The following TENT5D variants were observed in gnomAD, a reference collection of about 807,000 sequenced individuals.
TENT5D encodes the protein terminal nucleotidyltransferase 5D.
For missense variants in TENT5D, 191 were observed against 287.0 expected (o/e 0.67, Z 2.42); for synonymous variants, 103 against 100.6 (o/e 1.02, Z -0.15).
At chrX:80,393,810 G>GT (rs1237877744) in intron 3 of TENT5D, among the ~76,000 whole-genome samples, 2 of 111,431 alleles carry the variant, frequency 1.8e-5, no homozygotes, top group East Asian at 2.8e-4. Flanking sequence ...TGCAGTATTT[G>GT]TTTTTTTGTG....
intron 1 of TENT5D, among the ~76,000 whole-genome samples, 168 bp from the exon 2 acceptor site, chrX:80,438,442 C>A: frequency 9.3e-6 from 1 of 108,022 alleles, no homozygotes. Flanking sequence ...TATTTTAGAG[C>A]AATCATTTCA....
chrX:80,434,341 C>T (rs986496790), intron 1 of TENT5D, among the ~76,000 whole-genome samples: 4 of 111,013 alleles, frequency 3.6e-5, no homozygotes, highest in African/African-American at 1.3e-4. Flanking sequence ...TAAATTGAAG[C>T]CCTCCTCCTC....
At chrX:80,366,449 C>A (rs1408680461) in intron 3 of TENT5D, among the ~76,000 whole-genome samples, 4 of 111,238 alleles carry the variant, frequency 3.6e-5, no homozygotes, top group Admixed American at 9.7e-5. Flanking sequence ...AATACTTTCC[C>A]AAACAAGTAA....
At chrX:80,378,778 A>C in intron 3 of TENT5D, among the ~76,000 whole-genome samples, 1 of 110,737 alleles carries the variant, frequency 9.0e-6, no homozygotes, top group East Asian at 2.9e-4. Flanking sequence ...TTTTGGTTCC[A>C]TATGAACTTT....
chrX:80,346,848 G>A (rs1386319437), intron 3 of TENT5D, among the ~76,000 whole-genome samples: 2 of 109,709 alleles, frequency 1.8e-5, no homozygotes, highest in African/African-American at 6.7e-5. Flanking sequence ...CCCTGGACAG[G>A]CCCTGGTGTG....
At chrX:80,367,263 A>G (rs973347635) in intron 3 of TENT5D, among the ~76,000 whole-genome samples, 9 of 111,797 alleles carry the variant, frequency 8.1e-5, no homozygotes, top group Non-Finnish European at 1.7e-4. Flanking sequence ...AGCAATCATC[A>G]GAGAAACACA....
intron 3 of TENT5D, among the ~76,000 whole-genome samples, chrX:80,380,794 T>C (rs1930847804): frequency 3.6e-5 from 4 of 111,522 alleles, no homozygotes; most frequent in South Asian, 7.6e-4. Flanking sequence ...TGCTTTTTTT[T>C]GCTTTCCATT....
In TENT5D at chrX:80,409,809, A is replaced by G. The variant is rs1455489149; in HGVS notation, c.-141-28801A>G. Among the ~76,000 whole-genome samples, 20 of 102,933 alleles carry G rather than the reference A, an allele frequency of 1.9e-4. No homozygotes were observed. In the East Asian group the frequency reaches 4.1e-3, roughly 21 times the overall value. 89.4% of individuals were successfully genotyped at this position (102,933 alleles called of 115,157 possible). A position where few individuals can be genotyped will look rare whatever the true frequency, so the allele number is the denominator to read the frequency against. On this transcript the variant is annotated intron_variant, in intron 3 of 4. Coordinates refer to the TENT5D transcript ENST00000538312. The stretch of plus-strand genomic sequence containing the variant: ...GCCAAGTCAATCCTAAGCCAAAAGA[A>G]CAAAGCTGGAGGCATCACACTACCT...
chrX:80,375,861 A>G (rs895639794), intron 3 of TENT5D, among the ~76,000 whole-genome samples: 1 of 111,911 alleles, frequency 8.9e-6, no homozygotes, highest in African/African-American at 3.2e-5. Context: ...TGGTATTTTT[A>G]TTCTCTTAAG....
chrX:80,434,572 T>C (rs1368107730), intron 1 of TENT5D, among the ~76,000 whole-genome samples: 1 of 111,746 alleles, frequency 8.9e-6, no homozygotes, highest in Non-Finnish European at 1.9e-5. Context: ...CATTCATTAG[T>C]AGAATCCTGG....
upstream of TENT5D, among the ~76,000 whole-genome samples, chrX:80,417,558 G>A (rs184124499): frequency 1.4e-4 from 15 of 108,043 alleles, no homozygotes; most frequent in South Asian, 8.0e-4. Context: ...TTTTTCCTTC[G>A]CTTATGAAGC....
chrX:80,396,338 T>A (rs1931241634), intron 3 of TENT5D, among the ~76,000 whole-genome samples: 1 of 109,987 alleles, frequency 9.1e-6, no homozygotes, highest in Non-Finnish European at 1.9e-5. Flanking sequence ...TTTGGCAGGG[T>A]CATAGGACAA....
exon 3 of TENT5D, chrX:80,442,602 A>G: frequency 7.4e-6 from 9 of 1,210,332 alleles, no homozygotes; most frequent in Middle Eastern, 4.6e-4. Context: ...ATCAAGTGTT[A>G]GATGAAGTAA....
chrX:80,351,683 C>T (rs944868310), intron 3 of TENT5D, among the ~76,000 whole-genome samples: 8 of 109,978 alleles, frequency 7.3e-5, no homozygotes, highest in Admixed American at 3.9e-4. Flanking sequence ...TCCAGTTTTG[C>T]GCCCTTGCTG....
At chrX:80,429,291 TTTG>T (rs1047479169) in intron 1 of TENT5D, among the ~76,000 whole-genome samples, 2 of 110,808 alleles carry the variant, frequency 1.8e-5, no homozygotes, top group African/African-American at 3.3e-5. Context: ...ACTCTGGATT[TTTG>T]TTGTTGTTGT....
chrX:80,378,739 T>A (rs1418332248), intron 3 of TENT5D, among the ~76,000 whole-genome samples: 1 of 111,634 alleles, frequency 9.0e-6, no homozygotes, highest in Non-Finnish European at 1.9e-5. Flanking sequence ...TTCTTTTGGC[T>A]TAGGATTGTC....
At chrX:80,430,294 T>C (rs1932063705) in intron 1 of TENT5D, among the ~76,000 whole-genome samples, 1 of 111,665 alleles carries the variant, frequency 9.0e-6, no homozygotes, top group Admixed American at 9.5e-5. Flanking sequence ...TAGTACCATG[T>C]CCATTGGTCA....
At chrX:80,343,519 T>A (rs1043926817) in intron 3 of TENT5D, among the ~76,000 whole-genome samples, 1 of 106,308 alleles carries the variant, frequency 9.4e-6, no homozygotes, top group Non-Finnish European at 1.9e-5. Flanking sequence ...TGCCTCAACC[T>A]CCCGAGTAGC....
intron 3 of TENT5D, among the ~76,000 whole-genome samples, chrX:80,413,308 G>A (rs954618315): frequency 8.0e-5 from 9 of 112,134 alleles, no homozygotes; most frequent in African/African-American, 1.6e-4. Context: ...TTTTAATGGT[G>A]AAACATCATA....
Sources: gnomAD v4.1 joint callset for allele counts (sites outside exome capture counted in the v4.1 genomes callset) on GRCh38, gnomAD v4.1.1 for gene constraint, MANE v1.5 for transcripts, NCBI Gene and HGNC (gene_info 2026-07-23, HGNC 2026-07-21) for gene names.